Variants in GALNT7 observed in about 807,000 individuals in gnomAD.
GALNT7 encodes the protein N-acetylgalactosaminyltransferase 7.
GALNT7 carries 60 observed loss-of-function variants against 82.1 expected under a neutral mutation model. The ratio of observed to expected loss-of-function variants is 0.73; its 90% CI spans 0.59 to 0.91. The LOEUF is 0.91. GALNT7 is among the 40% of genes least tolerant of loss of function. The pLI is 0.00. For missense variants in GALNT7, 660 were observed against 804.2 expected (o/e 0.82, Z 2.17); for synonymous variants, 243 against 275.1 (o/e 0.88, Z 1.15).
intron 2 of GALNT7, among the ~76,000 whole-genome samples, chr4:173,268,529 C>CTTTTT (rs1579973397): frequency 3.3e-5 from 2 of 60,956 alleles, no homozygotes; most frequent in Admixed American, 4.7e-4. Context: ...TTTTCTCTCT[C>CTTTTT]GTTTTTTTTT....
At chr4:173,299,970 G>A (rs1736860846) in intron 6 of GALNT7, among the ~76,000 whole-genome samples, 1 of 152,094 alleles carries the variant, frequency 6.6e-6, no homozygotes, top group Non-Finnish European at 1.5e-5. Flanking sequence ...CATATTTTAA[G>A]AAGAAAAAGC....
intron 2 of GALNT7, chr4:173,268,100 C>T (rs139795905): frequency 6.5e-6 from 1 of 154,956 alleles, no homozygotes; most frequent in African/African-American, 2.4e-5. Context: ...GAAATGCTTG[C>T]TTGTAAGTGC....
chr4:173,303,917 T>C, intron 7 of GALNT7, 79 bp from the exon 8 acceptor site: 1 of 1,184,410 alleles, frequency 8.4e-7, no homozygotes, highest in Non-Finnish European at 1.2e-6. Flanking sequence ...ATTTTAGATT[T>C]ACACTTACAA....
intron 1 of GALNT7, 47 bp downstream of exon 1, chr4:173,169,008 G>C (rs777340321): frequency 1.3e-5 from 21 of 1,599,080 alleles, no homozygotes; most frequent in Non-Finnish European, 1.8e-5. Context: ...CCGGCAACTT[G>C]TTTTGTTTGC....
At chr4:173,199,737 G>C (rs1185601980) in intron 1 of GALNT7, among the ~76,000 whole-genome samples, 6 of 152,120 alleles carry the variant, frequency 3.9e-5, no homozygotes, top group Non-Finnish European at 7.4e-5. Context: ...TTTATCTCTG[G>C]TTGTCTTCCA....
intron 1 of GALNT7, among the ~76,000 whole-genome samples, chr4:173,208,014 TG>T (rs762120518): frequency 4.0e-4 from 61 of 152,308 alleles, no homozygotes; most frequent in Non-Finnish European, 7.1e-4. Flanking sequence ...ATTGCCTGTT[TG>T]TTTTTTCCTG....
chr4:173,227,400 T>C (rs566135229), intron 1 of GALNT7, among the ~76,000 whole-genome samples: 2 of 152,136 alleles, frequency 1.3e-5, no homozygotes, highest in Admixed American at 1.3e-4. Context: ...GACTCGATCT[T>C]GGCTCACTGC....
chr4:173,258,160 AATCT>A (rs1342088953), intron 2 of GALNT7, among the ~76,000 whole-genome samples: 4 of 152,230 alleles, frequency 2.6e-5, no homozygotes, highest in African/African-American at 9.6e-5. Context: ...TACAAAGAAG[AATCT>A]ATCTATCTTC....
intron 8 of GALNT7, among the ~76,000 whole-genome samples, chr4:173,305,085 A>G (rs1737100646): frequency 6.6e-6 from 1 of 152,108 alleles, no homozygotes; most frequent in Non-Finnish European, 1.5e-5. Context: ...TAATATTCTG[A>G]GGAACCTCTG....
intron 1 of GALNT7, among the ~76,000 whole-genome samples, chr4:173,183,525 A>C (rs776711497): frequency 8.7e-4 from 132 of 152,152 alleles, no homozygotes; most frequent in Non-Finnish European, 1.5e-3. Flanking sequence ...AGTACAGAAC[A>C]AAATGGAGTC....
chr4:173,277,973 G>A (rs1317630417), intron 2 of GALNT7, among the ~76,000 whole-genome samples: 3 of 152,010 alleles, frequency 2.0e-5, no homozygotes, highest in African/African-American at 7.3e-5. Context: ...AGTACTGTCA[G>A]TAATCCTCAG....
intron 2 of GALNT7, among the ~76,000 whole-genome samples, chr4:173,268,741 G>A (rs1313914046): frequency 5.4e-5 from 8 of 149,220 alleles, no homozygotes; most frequent in South Asian, 2.1e-4. Context: ...GGGTTTCACC[G>A]TGTTAGCCAG....
At chr4:173,190,455 TGTATAAGTAA>T (rs1732594949) in intron 1 of GALNT7, among the ~76,000 whole-genome samples, 1 of 152,238 alleles carries the variant, frequency 6.6e-6, no homozygotes, top group South Asian at 2.1e-4. Flanking sequence ...ATGATAAAGT[TGTATAAGTAA>T]GGGTCAAAAG....
At chr4:173,178,052 T>TGTGTGTGTGTGCGCGCGC (rs563102408) in intron 1 of GALNT7, among the ~76,000 whole-genome samples, 8 of 129,516 alleles carry the variant, frequency 6.2e-5, no homozygotes, top group South Asian at 2.6e-4. Flanking sequence ...TGTGTGTGTG[T>TGTGTGTGTGTGCGCGCGC]GCGCGCACGC....
chr4:173,170,328 T>A (rs1312814898), intron 1 of GALNT7, among the ~76,000 whole-genome samples: 1 of 152,246 alleles, frequency 6.6e-6, no homozygotes, highest in Non-Finnish European at 1.5e-5. Flanking sequence ...TTCTATGTCA[T>A]GTTTATTTAA....
At chr4:173,217,604 A>G (rs1733512306) in intron 1 of GALNT7, among the ~76,000 whole-genome samples, 1 of 152,278 alleles carries the variant, frequency 6.6e-6, no homozygotes, top group Non-Finnish European at 1.5e-5. Context: ...TAATATTTCT[A>G]TTGTTTTTAA....
chr4:173,273,884 C>G (rs1735812565), intron 2 of GALNT7, among the ~76,000 whole-genome samples: 1 of 152,156 alleles, frequency 6.6e-6, no homozygotes, highest in Non-Finnish European at 1.5e-5. Flanking sequence ...GTCAAAAATG[C>G]AGACCTTTAT....
At chr4:173,232,062 G>A (rs1472902270) in intron 1 of GALNT7, among the ~76,000 whole-genome samples, 1 of 152,206 alleles carries the variant, frequency 6.6e-6, no homozygotes, top group Admixed American at 6.5e-5. Flanking sequence ...AACTTAGAAG[G>A]AAGAGAGGAG....
chr4:173,309,357 G>C (rs1172133942), intron 8 of GALNT7, among the ~76,000 whole-genome samples: 2 of 152,194 alleles, frequency 1.3e-5, no homozygotes, highest in African/African-American at 4.8e-5. Context: ...TTTCTAGCTG[G>C]GGAGGACAGA....
Sources: allele counts gnomAD v4.1 joint callset (sites outside exome capture counted in the v4.1 genomes callset), GRCh38; gene constraint gnomAD v4.1.1; transcripts MANE v1.5; gene names NCBI Gene and HGNC (gene_info 2026-07-23, HGNC 2026-07-21).